SPIDR: variants seen among roughly 807,000 people sequenced by gnomAD.
SPIDR encodes the protein scaffold protein involved in DNA repair, also known as DNA repair-scaffolding protein.
A neutral mutation model predicts 104.6 loss-of-function variants in SPIDR; 93 were observed. That is an observed-to-expected ratio of 0.89 (90% confidence interval 0.75 to 1.06). The LOEUF is 1.06. Among genes scored for constraint, SPIDR ranks in the 50% least tolerant of loss-of-function variants. The pLI is 0.00. For synonymous variants in SPIDR, 431 were observed against 416.9 expected, an observed-to-expected ratio of 1.03 and a Z score of -0.41; for missense variants, 1,154 against 1,111.2, an observed-to-expected ratio of 1.04 and a Z score of -0.55.
intron 6 of SPIDR, among the ~76,000 whole-genome samples, chr8:47,402,844 T>C (rs1554664275): frequency 1.3e-5 from 2 of 152,176 alleles, no homozygotes; most frequent in African/African-American, 4.8e-5. Context: ...TGCTCTCTAA[T>C]TCATTTTATG....
intron 8 of SPIDR, among the ~76,000 whole-genome samples, chr8:47,447,721 A>G (rs1423217790): frequency 1.3e-5 from 2 of 152,228 alleles, no homozygotes; most frequent in African/African-American, 4.8e-5. Flanking sequence ...AGAAAGGAAG[A>G]GTCAGTTGAT....
chr8:47,393,397 C>G (rs781329123), intron 5 of SPIDR, among the ~76,000 whole-genome samples: 1 of 152,144 alleles, frequency 6.6e-6, no homozygotes, highest in Non-Finnish European at 1.5e-5. Context: ...GTAGTTTCCT[C>G]CCTCTCTGTA....
chr8:47,498,782 T>C (rs1478387926), intron 8 of SPIDR, among the ~76,000 whole-genome samples: 1 of 152,232 alleles, frequency 6.6e-6, no homozygotes, highest in Non-Finnish European at 1.5e-5. Context: ...CCATTGTCTT[T>C]GCTATAAAAG....
chr8:47,644,362 A>G (rs571287475), intron 10 of SPIDR, among the ~76,000 whole-genome samples: 2 of 152,272 alleles, frequency 1.3e-5, no homozygotes, highest in African/African-American at 2.4e-5. Flanking sequence ...GCTGTGCCCC[A>G]CTATCACGCA....
At chr8:47,394,826 T>A (rs2061062025) in intron 5 of SPIDR, among the ~76,000 whole-genome samples, 1 of 152,204 alleles carries the variant, frequency 6.6e-6, no homozygotes, top group Non-Finnish European at 1.5e-5. Flanking sequence ...ATTCACAATC[T>A]CTCTTGTGAG....
At chr8:47,513,645 A>G (rs1450840988) in intron 8 of SPIDR, among the ~76,000 whole-genome samples, 2 of 152,198 alleles carry the variant, frequency 1.3e-5, no homozygotes, top group East Asian at 1.9e-4. Context: ...GCTGACTCAT[A>G]GTATACAGTG....
At chr8:47,441,760 C>T (rs545314782) in intron 8 of SPIDR, among the ~76,000 whole-genome samples, 2 of 152,240 alleles carry the variant, frequency 1.3e-5, no homozygotes, top group African/African-American at 2.4e-5. Context: ...TATTCTAAGA[C>T]TTTCATCGAT....
chr8:47,362,758 T>A (rs1264683377), intron 5 of SPIDR, among the ~76,000 whole-genome samples: 1 of 152,158 alleles, frequency 6.6e-6, no homozygotes, highest in Admixed American at 6.5e-5. Context: ...GTTCAAGCAA[T>A]TCTGCTTCAG....
intron 8 of SPIDR, among the ~76,000 whole-genome samples, chr8:47,537,638 TA>T (rs1168742028): frequency 6.6e-5 from 10 of 152,162 alleles, no homozygotes; most frequent in Admixed American, 5.2e-4. Context: ...CACGTGTCAT[TA>T]TGCATTTGCC....
chr8:47,512,364 T>C (rs2082469790), intron 8 of SPIDR, among the ~76,000 whole-genome samples: 1 of 152,170 alleles, frequency 6.6e-6, no homozygotes, highest in Non-Finnish European at 1.5e-5. Flanking sequence ...CTGAGGATTG[T>C]TGTTAATCAG....
chr8:47,261,969 A>C (rs546490216), intron 1 of SPIDR, among the ~76,000 whole-genome samples: 2 of 152,252 alleles, frequency 1.3e-5, no homozygotes, highest in Non-Finnish European at 2.9e-5. Flanking sequence ...AGCGTTTGAC[A>C]CATTCACCAC....
chr8:47,604,602 G>A (rs1217681298), intron 10 of SPIDR, among the ~76,000 whole-genome samples: 2 of 152,306 alleles, frequency 1.3e-5, no homozygotes, highest in East Asian at 3.9e-4. Flanking sequence ...GAAAAGATCC[G>A]TGGTCTAGAT....
intron 11 of SPIDR, among the ~76,000 whole-genome samples, chr8:47,683,850 G>A (rs1484207921): frequency 6.6e-6 from 1 of 152,094 alleles, no homozygotes; most frequent in African/African-American, 2.4e-5. Flanking sequence ...AATTTGGCCG[G>A]GCATGGTGGC....
chr8:47,319,797 C>G (rs2046172017), intron 5 of SPIDR, among the ~76,000 whole-genome samples: 2 of 152,070 alleles, frequency 1.3e-5, no homozygotes, highest in South Asian at 4.1e-4. Flanking sequence ...GAAACTCACT[C>G]AAAACTGCTC....
At chr8:47,397,860 A>C (rs2061416894) in intron 6 of SPIDR, among the ~76,000 whole-genome samples, 1 of 152,204 alleles carries the variant, frequency 6.6e-6, no homozygotes, top group Admixed American at 6.5e-5. Context: ...TAGGAGAGAC[A>C]GATTTTGAAA....
intron 5 of SPIDR, among the ~76,000 whole-genome samples, chr8:47,317,086 G>A (rs1476756485): frequency 6.6e-6 from 1 of 152,108 alleles, no homozygotes. Context: ...ATCTCACTGG[G>A]GAGTGTCGGA....
chr8:47,504,743 G>GT (rs1390573861), intron 8 of SPIDR, among the ~76,000 whole-genome samples: 2 of 152,152 alleles, frequency 1.3e-5, no homozygotes, highest in African/African-American at 2.4e-5. Flanking sequence ...TTTCTGCTCT[G>GT]TTTTTTCTCC....
At chr8:47,557,820 A>G (rs2091496812) in intron 8 of SPIDR, among the ~76,000 whole-genome samples, 1 of 152,232 alleles carries the variant, frequency 6.6e-6, no homozygotes, top group African/African-American at 2.4e-5. Context: ...AATTTATTTA[A>G]GGAAGACAGT....
chr8:47,455,903 T>G (rs1244493894), intron 8 of SPIDR, among the ~76,000 whole-genome samples: 1 of 152,162 alleles, frequency 6.6e-6, no homozygotes, highest in Non-Finnish European at 1.5e-5. Context: ...CTACGTTAAT[T>G]GTTGAAGACT....
Sources: allele counts gnomAD v4.1 joint callset (sites outside exome capture counted in the v4.1 genomes callset), GRCh38; gene constraint gnomAD v4.1.1; transcripts MANE v1.5; gene names NCBI Gene and HGNC (gene_info 2026-07-23, HGNC 2026-07-21).